Variants in PLXNA4 observed in about 807,000 individuals in gnomAD.
The protein encoded by PLXNA4 is plexin A4.
In PLXNA4, 44 loss-of-function variants were observed where a neutral mutation model predicts 191.8. The observed-to-expected ratio is 0.23, with a 90% CI of 0.18 to 0.29. PLXNA4 has a LOEUF of 0.29. Among genes scored for constraint, PLXNA4 ranks in the 10% least tolerant of loss-of-function variants. The pLI is 1.00. For missense variants in PLXNA4, 1,800 were observed against 2,488.8 expected, an observed-to-expected ratio of 0.72 and a Z score of 5.89; for synonymous variants, 1,082 against 1,009.5, an observed-to-expected ratio of 1.07 and a Z score of -1.36.
intron 4 of PLXNA4, among the ~76,000 whole-genome samples, chr7:132,256,087 G>A (rs1276553930): frequency 6.6e-6 from 1 of 152,210 alleles, no homozygotes; most frequent in Non-Finnish European, 1.5e-5. Context: ...CCGGCATGTT[G>A]GGACATGAGT....
intron 3 of PLXNA4, among the ~76,000 whole-genome samples, chr7:132,475,940 C>T (rs765558573): frequency 3.3e-5 from 5 of 152,080 alleles, no homozygotes; most frequent in Non-Finnish European, 5.9e-5. Flanking sequence ...GGTGGTGTGC[C>T]GCTAATCTCC....
intron 4 of PLXNA4, among the ~76,000 whole-genome samples, chr7:132,295,742 G>A (rs1243753335): frequency 6.6e-6 from 1 of 152,066 alleles, no homozygotes; most frequent in Non-Finnish European, 1.5e-5. Context: ...CTCAATACCA[G>A]CCCCTGCCTG....
rs758264760 is a variant in PLXNA4 at position 132,159,485 on chromosome 7, C to A, written c.4648G>T (p.Asp1550Tyr). ...VPCSHRPKAA[D>Y]MDLEWRQGSG... ...ACAGCCTACTCACCCAGATCCATAT[C>A]TGCAGCTTTGGGCCGGTGGGAGCAA... The change falls in exon 25 of 32, where the codon GAT becomes TAT. Residue 1550 changes from aspartate to tyrosine, a missense_variant. Coordinates refer to ENST00000321063, the MANE Select transcript of PLXNA4 (RefSeq NM_020911.2). 1 of 1,614,152 alleles carries A rather than the reference C, an allele frequency of 6.2e-7. No individual in the cohort carries two copies. The highest frequency in any genetic ancestry group is 1.7e-5 in the Admixed American group (1 of 60,024).
At chr7:132,337,851 G>A (rs1264657160) in intron 3 of PLXNA4, among the ~76,000 whole-genome samples, 1 of 152,196 alleles carries the variant, frequency 6.6e-6, no homozygotes, top group Non-Finnish European at 1.5e-5. Context: ...AAAACAGAAA[G>A]CCACTCCCAG....
At chr7:132,456,065 T>C (rs1796303254) in intron 3 of PLXNA4, among the ~76,000 whole-genome samples, 1 of 151,558 alleles carries the variant, frequency 6.6e-6, no homozygotes, top group African/African-American at 2.4e-5. Context: ...TTTATATGTA[T>C]TTCTGGTGGA....
At chr7:132,149,072 T>C (rs560845041) in intron 25 of PLXNA4, among the ~76,000 whole-genome samples, 20 of 152,322 alleles carry the variant, frequency 1.3e-4, no homozygotes, top group Middle Eastern at 3.4e-3. Context: ...AAATCAAGGC[T>C]GTAGGCTCAG....
chr7:132,140,608 C>A lies in PLXNA4; in HGVS notation c.5429G>T (p.Trp1810Leu), dbSNP rs760439361. The A allele has an allele frequency of 6.2e-7, 1 of 1,613,772 alleles. No homozygotes were observed. Among genetic ancestry groups the A allele is most frequent in the Non-Finnish European group, 8.5e-7 (1 of 1,180,014 alleles). ...YAKDIPSYKN[W>L]VERYYSDIGK... ...GTGGCCCAGCACTCACCTCTCCACC[C>A]AATTCTTGTAGCTGGGGATGTCCTT... is the stretch of plus-strand genomic sequence containing the variant. The change falls in exon 30 of 32, where the codon TGG becomes TTG. Residue 1810 changes from tryptophan to leucine, a missense_variant. Physicochemically the swap from Trp to Leu is moderately conservative, Grantham distance 61. This residue lies in a region of PLXNA4 where 101 missense variants were observed against 182.8 expected (regional missense o/e 0.55). Transcript: ENST00000321063.
Position 132,168,509 on chromosome 7 carries a change from T to C in PLXNA4, c.4081A>G (p.Asn1361Asp). 2 of 1,613,298 alleles carry C rather than the reference T, an allele frequency of 1.2e-6. No individual in the cohort carries two copies. Among genetic ancestry groups the C allele is most frequent in the Non-Finnish European group, 1.7e-6 (2 of 1,179,492 alleles). Residue 1361 changes from asparagine to aspartate, a missense_variant, in exon 22 of 32, where the codon AAC becomes GAC. Coordinates refer to ENST00000321063, the MANE Select transcript of PLXNA4 (RefSeq NM_020911.2). ...GLKLFAQLIN[N>D]KVFLLSFIRT... is the part of the protein sequence containing the mutation. The stretch of plus-strand genomic sequence containing the variant: ...ATGAAGGACAGCAGGAACACCTTGT[T>C]GTTGATGAGCTGGGCGAAGAGCTTC...
chr7:132,300,821 A>G (rs1434199780), intron 3 of PLXNA4, among the ~76,000 whole-genome samples: 8 of 152,236 alleles, frequency 5.3e-5, no homozygotes, highest in Non-Finnish European at 1.5e-5. Flanking sequence ...CGTCGGCCAG[A>G]GCAGGGTCCC....
At chr7:132,631,353 T>C (rs1803486926) in intron 2 of PLXNA4, among the ~76,000 whole-genome samples, 1 of 152,204 alleles carries the variant, frequency 6.6e-6, no homozygotes, top group Admixed American at 6.5e-5. Context: ...CTTAGTCCTA[T>C]TGAGTCCTCA....
At chr7:132,255,042 C>T (rs151200901) in intron 4 of PLXNA4, among the ~76,000 whole-genome samples, 131 of 152,242 alleles carry the variant, frequency 8.6e-4, no homozygotes, top group African/African-American at 3.0e-3. Context: ...TATTTCTGTC[C>T]ATTCAGGCCT....
rs1351686590 is a variant in PLXNA4 at position 132,129,467 on chromosome 7, T to C, written c.*1012A>G. 6.6e-6 allele frequency: 1 copy of C among 152,220 alleles called. No individual in the cohort carries two copies. The highest frequency in any genetic ancestry group is 2.4e-5 in the African/African-American group (1 of 41,444). The allele number at this position is 152,220 out of a possible 1,614,324, so 9.4% of individuals were successfully genotyped here. On this transcript the variant is annotated 3_prime_UTR_variant, in exon 32 of 32. Transcript: ENST00000321063. Reference sequence around the variant, plus strand: ...GGAGATGGCTGGAGGTAGAATCTCCTAGATGCACTCTGCATTTCACGTTGA... The same window carrying C: ...GGAGATGGCTGGAGGTAGAATCTCCCAGATGCACTCTGCATTTCACGTTGA...
intron 4 of PLXNA4, among the ~76,000 whole-genome samples, chr7:132,254,749 G>A (rs533092527): frequency 4.6e-5 from 7 of 152,284 alleles, no homozygotes; most frequent in East Asian, 1.9e-4. Flanking sequence ...TAGGAAGTTC[G>A]TTTTCAAGGG....
Position 132,390,337 on chromosome 7 carries a change from C to T in PLXNA4, c.1372-92115G>A, listed in dbSNP as rs1031123035. On this transcript the variant is annotated intron_variant, in intron 3 of 31. Transcript: ENST00000321063. ...CAGGAACAGAAAACCAAACACTGCA[C>T]GTTCTCACTCCTAAGTGGGAGTTGA... Among the ~76,000 whole-genome samples, 9 of 152,116 alleles carry T rather than the reference C, an allele frequency of 5.9e-5. No homozygotes were observed. In the East Asian group the frequency reaches 1.7e-3, roughly 30 times the overall value.
intron 2 of PLXNA4, among the ~76,000 whole-genome samples, chr7:132,598,704 G>A (rs1802762601): frequency 1.3e-5 from 2 of 150,424 alleles, no homozygotes; most frequent in Non-Finnish European, 2.9e-5. Flanking sequence ...TTTAGACACA[G>A]TAAACTATCT....
intron 3 of PLXNA4, among the ~76,000 whole-genome samples, chr7:132,389,871 C>T (rs141554072): frequency 4.1e-3 from 628 of 152,116 alleles, no homozygotes; most frequent in Admixed American, 5.6e-3. Flanking sequence ...AGTAAGATAC[C>T]ATCTCACACC....
Position 132,489,436 on chromosome 7 carries a change from C to G in PLXNA4, c.1227G>C (p.Met409Ile). ...TIDDNFCGLD[M>I]NAPLGVSDMV... The stretch of plus-strand genomic sequence containing the variant: ...TGTCGGACACTCCCAGGGGAGCATT[C>G]ATGTCCAGGCCACAGAAGTTATCGT... The change falls in exon 3 of 32, where the codon ATG becomes ATC. Residue 409 changes from methionine (M) to isoleucine (I), a missense_variant. This residue lies in a region of PLXNA4 where 1,397 missense variants were observed against 1,880.4 expected (regional missense o/e 0.74). Coordinates refer to ENST00000321063, the MANE Select transcript of PLXNA4 (RefSeq NM_020911.2). The G allele has an allele frequency of 6.3e-7, 1 of 1,586,562 alleles. No individual in the cohort carries two copies. Among genetic ancestry groups the G allele is most frequent in the Non-Finnish European group, 8.6e-7 (1 of 1,157,180 alleles).
intron 3 of PLXNA4, among the ~76,000 whole-genome samples, chr7:132,420,971 T>C (rs1459713298): frequency 4.6e-5 from 7 of 152,218 alleles, no homozygotes. Flanking sequence ...CTTTTGTAAA[T>C]TGCCCAGTCT....
intron 21 of PLXNA4, 151 bp downstream of exon 21, chr7:132,174,627 G>T: frequency 8.2e-7 from 1 of 1,223,824 alleles, no homozygotes; most frequent in Non-Finnish European, 1.1e-6. Context: ...TCTTCCAGAG[G>T]GATGGACTGG....
Sources: gnomAD v4.1 joint callset for allele counts (sites outside exome capture counted in the v4.1 genomes callset) on GRCh38, gnomAD v4.1.1 for gene constraint, gnomAD v4.1.1 regional missense constraint, MANE v1.5 for transcripts, NCBI Gene and HGNC (gene_info 2026-07-23, HGNC 2026-07-21) for gene names.